DCC: variants seen among roughly 807,000 people sequenced by gnomAD.
DCC encodes the protein DCC netrin 1 receptor.
DCC carries 58 observed loss-of-function variants against 172.5 expected under a neutral mutation model. That is an observed-to-expected ratio of 0.34 (90% CI 0.27 to 0.42). The LOEUF (loss-of-function observed/expected upper bound fraction) is 0.42. Ranked by LOEUF, DCC falls within the 10% of genes least tolerant of loss-of-function variation. The pLI, the probability that DCC is intolerant of heterozygous loss-of-function variation, is 1.00. For missense variants in DCC, 1,740 were observed against 1,791.0 expected (o/e 0.97, Z 0.51); for synonymous variants, 709 against 644.5 (o/e 1.10, Z -1.52).
chr18:52,709,193 G>A (rs1396546870), intron 1 of DCC, among the ~76,000 whole-genome samples: 2 of 152,160 alleles, frequency 1.3e-5, no homozygotes, highest in Non-Finnish European at 2.9e-5. Flanking sequence ...TAAATAATGA[G>A]TTCAAGGTGA....
At chr18:52,531,958 A>G (rs2032163091) in intron 1 of DCC, among the ~76,000 whole-genome samples, 1 of 152,160 alleles carries the variant, frequency 6.6e-6, no homozygotes, top group Non-Finnish European at 1.5e-5. Flanking sequence ...TTATGCAACT[A>G]TTGCCTTCTG....
At chr18:53,373,256 A>G (rs868468095) in intron 15 of DCC, among the ~76,000 whole-genome samples, 59 of 152,190 alleles carry the variant, frequency 3.9e-4, no homozygotes, top group African/African-American at 1.4e-3. Flanking sequence ...TCATGTGGAT[A>G]GTAATTTTTA....
At chr18:52,905,271 C>T (rs2039864423) in intron 2 of DCC, among the ~76,000 whole-genome samples, 1 of 152,012 alleles carries the variant, frequency 6.6e-6, no homozygotes, top group Non-Finnish European at 1.5e-5. Flanking sequence ...ATGAATGAAT[C>T]ATTTTCACAT....
intron 5 of DCC, among the ~76,000 whole-genome samples, chr18:53,020,829 G>C (rs183478569): frequency 1.5e-4 from 23 of 152,270 alleles, no homozygotes; most frequent in Middle Eastern, 6.8e-3. Context: ...GTTTTTAAAT[G>C]AGGGGGAAAA....
At chr18:52,582,712 G>C (rs1252540934) in intron 1 of DCC, among the ~76,000 whole-genome samples, 1 of 152,094 alleles carries the variant, frequency 6.6e-6, no homozygotes, top group African/African-American at 2.4e-5. Flanking sequence ...TATCAGAAGG[G>C]GGCAGCCTTT....
chr18:53,432,643 CACCCATAA>C (rs898126036), intron 21 of DCC, among the ~76,000 whole-genome samples: 7 of 152,104 alleles, frequency 4.6e-5, no homozygotes, highest in African/African-American at 1.4e-4. Flanking sequence ...CAAGAAGTAA[CACCCATAA>C]ACCCATATCC....
intron 15 of DCC, among the ~76,000 whole-genome samples, chr18:53,362,993 G>A (rs1292136282): frequency 1.3e-5 from 2 of 152,076 alleles, no homozygotes; most frequent in Non-Finnish European, 2.9e-5. Flanking sequence ...TCCTCACAAT[G>A]TACCTAAAAG....
At chr18:52,522,251 C>A (rs1270530630) in intron 1 of DCC, among the ~76,000 whole-genome samples, 1 of 152,064 alleles carries the variant, frequency 6.6e-6, no homozygotes, top group East Asian at 1.9e-4. Flanking sequence ...TTATTTGGTT[C>A]AAGATAAAAT....
At chr18:53,373,174 C>A (rs1176887833) in intron 15 of DCC, among the ~76,000 whole-genome samples, 1 of 151,936 alleles carries the variant, frequency 6.6e-6, no homozygotes, top group Non-Finnish European at 1.5e-5. Flanking sequence ...AAATATACAC[C>A]AGTAATGTTA....
intron 1 of DCC, among the ~76,000 whole-genome samples, chr18:52,554,864 T>A (rs1294727152): frequency 1.3e-5 from 2 of 152,108 alleles, no homozygotes; most frequent in Non-Finnish European, 2.9e-5. Flanking sequence ...TAGTTTCTGC[T>A]CTTAAATATA....
chr18:53,508,094 C>T (rs991685789), intron 27 of DCC, among the ~76,000 whole-genome samples: 17 of 151,890 alleles, frequency 1.1e-4, no homozygotes, highest in Admixed American at 9.8e-4. Flanking sequence ...GGGGTTTCAC[C>T]GTGTTAGCCA....
At chr18:52,385,460 C>T (rs1467266246) in intron 1 of DCC, among the ~76,000 whole-genome samples, 3 of 152,018 alleles carry the variant, frequency 2.0e-5, no homozygotes, top group Non-Finnish European at 4.4e-5. Context: ...ATGCCTCAGC[C>T]TCCCAAAGTG....
intron 8 of DCC, among the ~76,000 whole-genome samples, chr18:53,160,759 G>A (rs1012670534): frequency 4.6e-5 from 7 of 151,920 alleles, no homozygotes; most frequent in African/African-American, 9.7e-5. Flanking sequence ...AACACCTTCC[G>A]CCTTTCCCCC....
intron 15 of DCC, among the ~76,000 whole-genome samples, chr18:53,343,756 AG>A (rs2057688747): frequency 6.6e-6 from 1 of 152,032 alleles, no homozygotes; most frequent in Non-Finnish European, 1.5e-5. Context: ...AGTATTTTAT[AG>A]ATTTCACTAA....
rs562889558 is a variant in DCC at position 52,386,397 on chromosome 18, G to A, written c.91+45519G>A. Among the ~76,000 whole-genome samples, 3 of 152,136 alleles carry A rather than the reference G, an allele frequency of 2.0e-5. No individual in the cohort carries two copies. The South Asian group carries it at 6.2e-4, about 32-fold the overall frequency. On this transcript the variant is annotated intron_variant, in intron 1 of 28. Coordinates refer to ENST00000442544, the MANE Select transcript of DCC (RefSeq NM_005215.4). ...TAAACCTTGTGATGAAATGTCATTA[G>A]GGGATTTTGGTAATCCTCATATTAG...
intron 1 of DCC, among the ~76,000 whole-genome samples, chr18:52,513,996 C>G (rs1787123): frequency 0.24 from 36,115 of 152,032 alleles, 4,432 homozygotes; most frequent in African/African-American, 0.29. Flanking sequence ...TTGGCTTTCT[C>G]AGAGTAACTT....
At position 52,402,612 on chromosome 18, in the gene DCC, A is replaced by T. The variant is rs1184071552; in HGVS notation, c.91+61734A>T. Among the ~76,000 whole-genome samples the T allele has an allele frequency of 2.0e-5, 3 of 152,084 alleles. 1 individual carries two copies. Among genetic ancestry groups the T allele is most frequent in the Admixed American group, 2.0e-4 (3 of 15,240 alleles). ...TCTTCTTTCTGTCTGTCATTTACAAAATAAGTTGGTTTTTTAGATGTCGCA... is the reference window on the plus strand; with the variant it reads ...TCTTCTTTCTGTCTGTCATTTACAATATAAGTTGGTTTTTTAGATGTCGCA... On this transcript the variant is annotated intron_variant, in intron 1 of 28. Transcript: ENST00000442544.
At chr18:53,128,894 T>C (rs1430977797) in intron 7 of DCC, among the ~76,000 whole-genome samples, 1 of 138,538 alleles carries the variant, frequency 7.2e-6, no homozygotes, top group Non-Finnish European at 1.5e-5. Flanking sequence ...TATATATATA[T>C]ATATATATAT....
intron 7 of DCC, among the ~76,000 whole-genome samples, chr18:53,125,844 T>C (rs1187619310): frequency 1.3e-5 from 2 of 152,142 alleles, no homozygotes; most frequent in African/African-American, 2.4e-5. Context: ...ATACAAGAGA[T>C]AAATGGAGTT....
Sources: gnomAD v4.1 joint callset for allele counts (sites outside exome capture counted in the v4.1 genomes callset) on GRCh38, gnomAD v4.1.1 for gene constraint, MANE v1.5 for transcripts, NCBI Gene and HGNC (gene_info 2026-07-23, HGNC 2026-07-21) for gene names.